AASS: variants seen among roughly 807,000 people sequenced by gnomAD.
AASS encodes the protein aminoadipate-semialdehyde synthase, also known as alpha-aminoadipic semialdehyde synthase, mitochondrial.
In AASS, 86 loss-of-function variants were observed where a neutral mutation model predicts 105.4. That is an observed-to-expected ratio of 0.82 (90% CI 0.69 to 0.98). The LOEUF (loss-of-function observed/expected upper bound fraction) is 0.98, where lower values mean the gene tolerates loss of function less well. AASS is among the 50% of genes least tolerant of loss of function. The pLI is 0.00. For missense variants in AASS, 1,048 were observed against 1,143.2 expected (o/e 0.92, Z 1.20); for synonymous variants, 381 against 394.8 (o/e 0.96, Z 0.41).
At chr7:122,143,667 G>A (rs778862129) in intron 1 of AASS, among the ~76,000 whole-genome samples, 1 of 151,812 alleles carries the variant, frequency 6.6e-6, no homozygotes, top group Non-Finnish European at 1.5e-5. Context: ...GCTAAGCTGG[G>A]CGTGGGGAGG....
chr7:122,104,180 A>G lies in AASS; in HGVS notation c.1279-2500T>C, dbSNP rs190701786. Among the ~76,000 whole-genome samples, 273 of 152,252 alleles carry G rather than the reference A, an allele frequency of 1.8e-3. 7 individuals carry two copies. The East Asian group carries it at 0.036, about 20-fold the overall frequency. On this transcript the variant is annotated intron_variant, in intron 11 of 23. Coordinates refer to ENST00000417368, the MANE Select transcript of AASS (RefSeq NM_005763.4). Reference sequence around the variant, plus strand: ...ACACAGAGTGGCTGAATGGATTAAAAAAACAAAGCTCTACTATTCACAATA... The same window carrying G: ...ACACAGAGTGGCTGAATGGATTAAAGAAACAAAGCTCTACTATTCACAATA...
At chr7:122,134,291 A>C (rs974613495) in intron 1 of AASS, among the ~76,000 whole-genome samples, 11 of 152,198 alleles carry the variant, frequency 7.2e-5, no homozygotes, top group African/African-American at 2.7e-4. Context: ...AAAACAAAAA[A>C]CAAAAAAACT....
intron 1 of AASS, among the ~76,000 whole-genome samples, chr7:122,138,067 C>T (rs2150557506): frequency 6.6e-6 from 1 of 152,314 alleles, no homozygotes; most frequent in South Asian, 2.1e-4. Context: ...TGAATTGTAA[C>T]AGTCTTCCCT....
At chr7:122,131,970 A>G (rs1795937786) in intron 2 of AASS, among the ~76,000 whole-genome samples, 1 of 152,126 alleles carries the variant, frequency 6.6e-6, no homozygotes, top group Admixed American at 6.5e-5. Context: ...AATGGATTGA[A>G]TGAAAAAGGT....
intron 7 of AASS, 46 bp from the exon 8 acceptor site, chr7:122,116,806 A>T (rs1227647823): frequency 1.2e-6 from 2 of 1,612,674 alleles, no homozygotes; most frequent in Middle Eastern, 3.3e-4. Context: ...CAAATAATAA[A>T]AATTTATGGT....
At chr7:122,092,241 C>T (rs1793938678) in intron 17 of AASS, among the ~76,000 whole-genome samples, 1 of 151,720 alleles carries the variant, frequency 6.6e-6, no homozygotes, top group Admixed American at 6.6e-5. Context: ...CCAATAGTAC[C>T]TCGCCAAAGG....
chr7:122,092,696 C>T (rs538143070), intron 17 of AASS, 147 bp downstream of exon 17: 12 of 711,862 alleles, frequency 1.7e-5, no homozygotes, highest in South Asian at 9.5e-5. Context: ...TGCACTCCAG[C>T]CTGGGCAACA....
In AASS at chr7:122,092,929, T is replaced by C. The variant is rs1342304760; in HGVS notation, c.1789A>G (p.Ile597Val). 1.2e-6 allele frequency: 2 copies of C among 1,613,882 alleles called. No individual in the cohort carries two copies. The highest frequency in any genetic ancestry group is 2.2e-5 in the East Asian group (1 of 44,860). Reference sequence around the variant, plus strand: ...GGGTCCAATCCCAATTCACCAATGATTGTGATGCCAGCATCTTCCACACTG... The same window carrying C: ...GGGTCCAATCCCAATTCACCAATGACTGTGATGCCAGCATCTTCCACACTG... The part of the protein sequence containing the change: ...EKSVEDAGIT[I>V]IGELGLDPGL... Residue 597 changes from isoleucine (I) to valine (V), a missense_variant, in exon 17 of 24, where the codon ATC becomes GTC. Physicochemically the swap from Ile to Val is conservative, Grantham distance 29. Transcript: ENST00000417368.
intron 11 of AASS, among the ~76,000 whole-genome samples, chr7:122,109,077 A>G (rs940814456): frequency 1.3e-5 from 2 of 152,036 alleles, no homozygotes; most frequent in Admixed American, 1.3e-4. Context: ...ATAAGAATAA[A>G]TTTAACCAAG....
intron 18 of AASS, among the ~76,000 whole-genome samples, chr7:122,091,123 T>C (rs1180621252): frequency 6.6e-6 from 1 of 152,192 alleles, no homozygotes; most frequent in African/African-American, 2.4e-5. Flanking sequence ...AGACCTGGGT[T>C]TGAATCTCAG....
intron 18 of AASS, among the ~76,000 whole-genome samples, chr7:122,088,893 C>G (rs185925901): frequency 7.9e-5 from 12 of 152,172 alleles, no homozygotes; most frequent in Admixed American, 2.6e-4. Context: ...AAGATGAAAT[C>G]ACTGTCTCCG....
At chr7:122,108,412 C>T (rs1218503149) in intron 11 of AASS, among the ~76,000 whole-genome samples, 1 of 151,914 alleles carries the variant, frequency 6.6e-6, no homozygotes, top group Non-Finnish European at 1.5e-5. Flanking sequence ...AACATAGATA[C>T]AAAAATTTTC....
In AASS at chr7:122,129,385, G is replaced by C. The variant is rs1795803089; in HGVS notation, c.363C>G (p.Gly121=). ...CCTGTTTTAGAATCTCATCCAACAA[G>C]CCCATATTGGCCTCCTGAGCTTTTA... ...HTIKAQEANM[G]LLDEILKQEI... is the part of the protein sequence containing the mutation. Residue 121 remains glycine (G), a synonymous_variant, in exon 3 of 24, where the codon GGC becomes GGG. Coordinates refer to ENST00000417368, the MANE Select transcript of AASS (RefSeq NM_005763.4). 6.2e-7 allele frequency: 1 copy of C among 1,609,850 alleles called. No individual in the cohort carries two copies. Among genetic ancestry groups the C allele is most frequent in the Non-Finnish European group, 8.5e-7 (1 of 1,177,424 alleles).
Position 122,074,524 on chromosome 7 carries a change from T to C in AASS, c.*1965A>G, listed in dbSNP as rs1162491479. Among the ~76,000 whole-genome samples, 1 of 152,210 alleles carries C rather than the reference T, an allele frequency of 6.6e-6. No homozygotes were observed. The highest frequency in any genetic ancestry group is 1.5e-5 in the Non-Finnish European group (1 of 68,030). The stretch of plus-strand genomic sequence containing the variant: ...CTTCTTTTGTTGCTTGTGTTTTTAG[T>C]GTCATTTATTTAAGAAATCATTGCC... On this transcript the variant is annotated 3_prime_UTR_variant, in exon 24 of 24. Transcript: ENST00000417368.
rs998148014 is a variant in AASS, at chr7:122,092,794, C to G, written c.1875+49G>C. The G allele has an allele frequency of 3.5e-6, 5 of 1,431,660 alleles. No homozygotes were observed. In the African/African-American group the frequency reaches 7.0e-5, roughly 20 times the overall value. 88.7% of individuals were successfully genotyped at this position (1,431,660 alleles called of 1,614,324 possible). ...ATAACTCATACTTTGATTCTGTACA[C>G]AAGAATTTAGACATTTTAATGTTGC... On this transcript the variant is annotated intron_variant, in intron 17 of 23. Coordinates refer to ENST00000417368, the MANE Select transcript of AASS (RefSeq NM_005763.4).
chr7:122,091,319 T>A (rs1793887533), intron 18 of AASS, among the ~76,000 whole-genome samples: 1 of 152,290 alleles, frequency 6.6e-6, no homozygotes, highest in South Asian at 2.1e-4. Context: ...CTGTGAGCTT[T>A]CTGAGGTCAT....
chr7:122,130,041 T>G (rs1410487570), intron 2 of AASS, among the ~76,000 whole-genome samples: 1 of 152,060 alleles, frequency 6.6e-6, no homozygotes, highest in Non-Finnish European at 1.5e-5. Flanking sequence ...CAAGATCCCT[T>G]GTATAAAGGA....
In AASS at chr7:122,126,389, C is replaced by T; in HGVS notation, c.458G>A (p.Trp153Ter). ...RGVRVVAFGQWAGVAGMINIL... is the reference protein window; with the variant it reads ...RGVRVVAFGQ The stretch of plus-strand genomic sequence containing the variant: ...GGCATACTTACCTGCCACACCAGCC[C>T]ACTGTCCAAATGCCACTACCCGTAC... The change falls in exon 4 of 24, where the codon TGG becomes TAG. Residue 153 changes from tryptophan (W) to a stop codon, truncating the protein, a stop_gained. Transcript: ENST00000417368. LOFTEE classifies it high-confidence loss of function. 1.2e-6 allele frequency: 2 copies of T among 1,614,012 alleles called. No individual in the cohort carries two copies. Among genetic ancestry groups the T allele is most frequent in the Non-Finnish European group, 1.7e-6 (2 of 1,179,932 alleles).
At chr7:122,077,760 C>T (rs1367940311) in intron 23 of AASS, 78 bp downstream of exon 23, 1 of 1,539,056 alleles carries the variant, frequency 6.5e-7, no homozygotes, top group African/African-American at 1.4e-5. Context: ...CGCTCAAGAG[C>T]AATTACTTGA....
Sources: allele counts gnomAD v4.1 joint callset (sites outside exome capture counted in the v4.1 genomes callset), GRCh38; gene constraint gnomAD v4.1.1; transcripts MANE v1.5; gene names NCBI Gene and HGNC (gene_info 2026-07-23, HGNC 2026-07-21).